The following WDPCP variants were observed in gnomAD, a reference collection of about 807,000 sequenced individuals.
The protein encoded by WDPCP is WD repeat-containing and planar cell polarity effector protein fritz homolog.
A neutral mutation model predicts 93.1 loss-of-function variants in WDPCP; 71 were observed. The ratio of observed to expected loss-of-function variants is 0.76; its 90% CI spans 0.63 to 0.93. WDPCP has a LOEUF of 0.93. Among genes scored for constraint, WDPCP ranks in the 40% least tolerant of loss-of-function variants. The pLI is 0.00. For missense variants in WDPCP, 844 were observed against 887.4 expected (o/e 0.95, Z 0.62); for synonymous variants, 315 against 315.0 (o/e 1.00, Z 0.00).
At chr2:63,223,651 T>G (rs554630675) in intron 14 of WDPCP, among the ~76,000 whole-genome samples, 15 of 152,260 alleles carry the variant, frequency 9.9e-5, no homozygotes, top group African/African-American at 3.6e-4. Flanking sequence ...AGCAGCAATA[T>G]GTTTCAGGAG....
chr2:63,832,146 T>C (rs1239675411), upstream of WDPCP, among the ~76,000 whole-genome samples: 1 of 152,252 alleles, frequency 6.6e-6, no homozygotes, highest in East Asian at 1.9e-4. Flanking sequence ...GGCAGTTTAA[T>C]GAGAGCTGGA....
At chr2:63,246,334 G>A (rs1403479852) in intron 14 of WDPCP, among the ~76,000 whole-genome samples, 1 of 152,106 alleles carries the variant, frequency 6.6e-6, no homozygotes. Context: ...TCACTGCAGG[G>A]AAGCTGGCCT....
Position 63,517,362 on chromosome 2 carries a change from C to A in WDPCP, c.76-24422G>T, listed in dbSNP as rs149993008. On this transcript the variant is annotated intron_variant, in intron 1 of 17. Coordinates refer to ENST00000272321, the MANE Select transcript of WDPCP (RefSeq NM_015910.7). ...TCAAGTCCTTATACTGGCTTATATA[C>A]CCATGTGAGATTGCCTCTGCCTGTC... Among the ~76,000 whole-genome samples, 338 of 152,134 alleles carry A rather than the reference C, an allele frequency of 2.2e-3. 1 individual carries two copies. The highest frequency in any genetic ancestry group is 3.4e-3 in the Middle Eastern group (1 of 294).
intron 14 of WDPCP, among the ~76,000 whole-genome samples, chr2:63,256,676 G>A (rs1029685279): frequency 6.6e-6 from 1 of 152,092 alleles, no homozygotes; most frequent in Non-Finnish European, 1.5e-5. Flanking sequence ...CCCCAAACTT[G>A]AAACAACCCA....
intron 1 of WDPCP, among the ~76,000 whole-genome samples, chr2:63,548,500 A>G (rs192040001): frequency 6.6e-6 from 1 of 152,342 alleles, no homozygotes; most frequent in African/African-American, 2.4e-5. Context: ...TTAGAACAGC[A>G]TTAACAAATC....
chr2:63,534,277 A>C (rs1008429762), intron 1 of WDPCP, among the ~76,000 whole-genome samples: 1 of 152,248 alleles, frequency 6.6e-6, no homozygotes, highest in African/African-American at 2.4e-5. Context: ...ATTCTACCAG[A>C]GGTACAAAGA....
At chr2:63,379,798 G>C (rs1254088638) in intron 11 of WDPCP, among the ~76,000 whole-genome samples, 1 of 152,082 alleles carries the variant, frequency 6.6e-6, no homozygotes, top group Non-Finnish European at 1.5e-5. Context: ...GTTAGATTCA[G>C]ATAGAATAAG....
intron 1 of WDPCP, among the ~76,000 whole-genome samples, chr2:63,513,710 G>A (rs1702380556): frequency 6.6e-6 from 1 of 152,160 alleles, no homozygotes; most frequent in African/African-American, 2.4e-5. Context: ...GCTACACAGA[G>A]AGGCCAAGAT....
intron 2 of WDPCP, among the ~76,000 whole-genome samples, chr2:63,673,408 T>C (rs764856476): frequency 1.3e-5 from 2 of 152,000 alleles, no homozygotes; most frequent in Non-Finnish European, 2.9e-5. Flanking sequence ...GAAAGAAGAT[T>C]GGGTAGGAAG....
chr2:63,707,096 T>C (rs1237505206), intron 2 of WDPCP, among the ~76,000 whole-genome samples: 2 of 152,202 alleles, frequency 1.3e-5, no homozygotes, highest in African/African-American at 4.8e-5. Flanking sequence ...AATCTGACAA[T>C]TATGTGTCTT....
intron 2 of WDPCP, among the ~76,000 whole-genome samples, chr2:63,693,036 A>G (rs1668911624): frequency 6.6e-6 from 1 of 152,228 alleles, no homozygotes; most frequent in Non-Finnish European, 1.5e-5. Context: ...CTACAGATAA[A>G]AAACTGAGGC....
Position 63,791,113 on chromosome 2 carries a change from G to GAGAT in WDPCP, n.308+22505_308+22508dup, listed in dbSNP as rs1201444757. 1.3e-4 allele frequency among the ~76,000 whole-genome samples: 20 copies of GAGAT among 152,150 alleles called. 2 individuals carry two copies. The highest frequency in any genetic ancestry group is 1.2e-3 in the Admixed American group (18 of 15,278). On this transcript the variant is annotated intron_variant and non_coding_transcript_variant, in intron 2 of 4. Coordinates refer to the WDPCP transcript ENST00000467687. ...TTGACTCACTGCCTGACTCACCAGG[G>GAGAT]AGATAGGCTGTTTCCAATTCTGGAC...
At chr2:63,471,515 T>C (rs913315991) in intron 6 of WDPCP, among the ~76,000 whole-genome samples, 28 of 152,266 alleles carry the variant, frequency 1.8e-4, no homozygotes, top group African/African-American at 6.7e-4. Flanking sequence ...GAAAAATGGA[T>C]GATGGACAAG....
intron 17 of WDPCP, among the ~76,000 whole-genome samples, chr2:63,136,026 C>A (rs1421004423): frequency 6.6e-6 from 1 of 152,202 alleles, no homozygotes; most frequent in Non-Finnish European, 1.5e-5. Context: ...AGCCACTGCA[C>A]TGAACAAGGA....
chr2:63,766,532 T>A (rs1670142459), intron 2 of WDPCP, among the ~76,000 whole-genome samples: 1 of 151,870 alleles, frequency 6.6e-6, no homozygotes, highest in African/African-American at 2.4e-5. Context: ...TGTATAGTTA[T>A]CTTACTCTAT....
At chr2:63,218,074 A>G (rs1442809464) in intron 14 of WDPCP, among the ~76,000 whole-genome samples, 2 of 152,226 alleles carry the variant, frequency 1.3e-5, no homozygotes, top group African/African-American at 4.8e-5. Flanking sequence ...AGTACTAATG[A>G]GAATTCAATT....
chr2:63,262,199 C>T (rs1228743529), intron 13 of WDPCP, among the ~76,000 whole-genome samples: 1 of 152,048 alleles, frequency 6.6e-6, no homozygotes, highest in Non-Finnish European at 1.5e-5. Context: ...GGTGGCTTTC[C>T]CTGTTTTCTG....
At chr2:63,679,044 C>T (rs1208697124) in intron 2 of WDPCP, among the ~76,000 whole-genome samples, 1 of 152,158 alleles carries the variant, frequency 6.6e-6, no homozygotes, top group African/African-American at 2.4e-5. Flanking sequence ...CCTAAAATGT[C>T]GTAAATTTCT....
chr2:63,723,885 G>C (rs1045090242), intron 2 of WDPCP, among the ~76,000 whole-genome samples: 14 of 152,176 alleles, frequency 9.2e-5, no homozygotes, highest in African/African-American at 3.4e-4. Flanking sequence ...ATAAATTTGT[G>C]TGGTATTACA....
Sources: gnomAD v4.1 joint callset for allele counts (sites outside exome capture counted in the v4.1 genomes callset) on GRCh38, gnomAD v4.1.1 for gene constraint, MANE v1.5 for transcripts, NCBI Gene and HGNC (gene_info 2026-07-23, HGNC 2026-07-21) for gene names.